SRGAP2C: variants seen among roughly 807,000 people sequenced by gnomAD.
The protein encoded by SRGAP2C is SLIT-ROBO Rho GTPase-activating protein 2C.
A neutral mutation model predicts 25.1 loss-of-function variants in SRGAP2C; 15 were observed. That is an observed-to-expected ratio of 0.60 (90% CI 0.40 to 0.92). SRGAP2C has a LOEUF of 0.92. Ranked by LOEUF, SRGAP2C falls within the 40% of genes least tolerant of loss-of-function variation. The pLI is 0.00. For synonymous variants in SRGAP2C, 44 were observed against 96.6 expected (o/e 0.46, Z 3.19); for missense variants, 144 against 264.4 (o/e 0.54, Z 3.16).
intron 4 of SRGAP2C, among the ~76,000 whole-genome samples, chr1:121,332,731 TAGGATTTC>T (rs1658458717): frequency 4.1e-5 from 3 of 73,088 alleles, no homozygotes; most frequent in African/African-American, 1.7e-4. Context: ...TGGACTGAGA[TAGGATTTC>T]CTATGGCGTG....
intron 2 of SRGAP2C, among the ~76,000 whole-genome samples, chr1:121,192,439 C>T (rs1331009807): frequency 6.6e-6 from 1 of 151,224 alleles, no homozygotes; most frequent in African/African-American, 2.4e-5. Context: ...GAAAATGAAA[C>T]TCTTGGAAAC....
intron 4 of SRGAP2C, among the ~76,000 whole-genome samples, chr1:121,336,393 TTC>T (rs1253981588): frequency 1.7e-5 from 2 of 118,420 alleles, no homozygotes; most frequent in East Asian, 6.1e-4. Context: ...TCAAAACCTT[TTC>T]TCTCTCTTTC....
chr1:121,224,721 A>G (rs1655623394), intron 2 of SRGAP2C, among the ~76,000 whole-genome samples: 1 of 149,044 alleles, frequency 6.7e-6, no homozygotes, highest in Non-Finnish European at 1.5e-5. Flanking sequence ...TCTTCTAGGT[A>G]GTGCCTGTTT....
chr1:121,358,594 GT>G lies in SRGAP2C; in HGVS notation c.424-6693del, dbSNP rs1659115400. Among the ~76,000 whole-genome samples, 4 of 112,324 alleles carry G rather than the reference GT, an allele frequency of 3.6e-5. No individual in the cohort carries two copies. The Admixed American group carries it at 4.0e-4, about 11-fold the overall frequency. The allele number at this position is 112,324 out of a possible 152,430, so 73.7% of individuals were successfully genotyped here. ...GAGTGAAGGAGCTTCTGGTGAAATT[GT>G]TTTTTATGGTGCTTACAAGCTCAAG... On this transcript the variant is annotated intron_variant, in intron 4 of 9. Coordinates refer to ENST00000367123, the MANE Select transcript of SRGAP2C (RefSeq NM_001329984.2).
chr1:121,231,708 A>C (rs1655825150), intron 2 of SRGAP2C, among the ~76,000 whole-genome samples: 1 of 147,514 alleles, frequency 6.8e-6, no homozygotes, highest in East Asian at 2.0e-4. Flanking sequence ...TAGAGAAAGT[A>C]AGTGAATTAC....
chr1:121,323,610 T>C (rs1335124675), intron 3 of SRGAP2C, among the ~76,000 whole-genome samples: 1 of 102,856 alleles, frequency 9.7e-6, no homozygotes, highest in African/African-American at 4.7e-5. Flanking sequence ...AGTGAGACTT[T>C]GTCTCAAAAA....
intron 3 of SRGAP2C, among the ~76,000 whole-genome samples, chr1:121,310,841 T>G (rs1657966150): frequency 1.2e-5 from 1 of 82,420 alleles, no homozygotes; most frequent in Admixed American, 1.3e-4. Flanking sequence ...TAGTATAGTT[T>G]GAAGTCAGGT....
intron 2 of SRGAP2C, among the ~76,000 whole-genome samples, chr1:121,268,554 G>T (rs1656863423): frequency 6.8e-6 from 1 of 146,070 alleles, no homozygotes; most frequent in Non-Finnish European, 1.5e-5. Flanking sequence ...ACAAAATGAG[G>T]CTGAGTTGCA....
intron 4 of SRGAP2C, among the ~76,000 whole-genome samples, chr1:121,348,603 T>C (rs1448882154): frequency 1.8e-4 from 27 of 150,772 alleles, no homozygotes; most frequent in African/African-American, 5.8e-4. Flanking sequence ...TATATGTCTT[T>C]CTTGCTGTGA....
chr1:121,278,156 A>G (rs1480048180), intron 2 of SRGAP2C, among the ~76,000 whole-genome samples: 1 of 151,894 alleles, frequency 6.6e-6, no homozygotes, highest in Non-Finnish European at 1.5e-5. Context: ...CATGTTGCCC[A>G]GGCTCGTCTG....
intron 2 of SRGAP2C, among the ~76,000 whole-genome samples, chr1:121,211,428 C>CAT (rs1655252700): frequency 7.8e-6 from 1 of 127,490 alleles, no homozygotes; most frequent in Non-Finnish European, 1.6e-5. Flanking sequence ...CACACACACA[C>CAT]ACACACACAC....
chr1:121,291,203 TA>T (rs1418863594), intron 3 of SRGAP2C, among the ~76,000 whole-genome samples: 8 of 125,128 alleles, frequency 6.4e-5, no homozygotes, highest in African/African-American at 1.5e-4. Context: ...ACTGACTGGA[TA>T]AAGCATAGAA....
chr1:121,353,014 C>T (rs1553346499), intron 4 of SRGAP2C, among the ~76,000 whole-genome samples: 14 of 150,736 alleles, frequency 9.3e-5, no homozygotes, highest in Admixed American at 6.0e-4. Context: ...GGCGTGAACC[C>T]GGGAGGCAGA....
At chr1:121,350,139 CAGGATGGGT>C (rs1327925942) in intron 4 of SRGAP2C, among the ~76,000 whole-genome samples, 4 of 151,758 alleles carry the variant, frequency 2.6e-5, no homozygotes, top group African/African-American at 9.7e-5. Flanking sequence ...CCCAGAGGCC[CAGGATGGGT>C]AGCCTTGGTA....
chr1:121,271,422 C>T (rs1179645548), intron 2 of SRGAP2C, among the ~76,000 whole-genome samples: 2 of 151,044 alleles, frequency 1.3e-5, no homozygotes, highest in East Asian at 3.9e-4. Flanking sequence ...CTAGTGCTCA[C>T]GTGAACTGTG....
intron 8 of SRGAP2C, among the ~76,000 whole-genome samples, chr1:121,383,300 G>A (rs1253044134): frequency 6.8e-6 from 1 of 147,606 alleles, no homozygotes; most frequent in Non-Finnish European, 1.5e-5. Context: ...TGAAAGGAAA[G>A]TGAGGGAGGG....
chr1:121,187,766 CT>C (rs1305197125), intron 2 of SRGAP2C, among the ~76,000 whole-genome samples: 2 of 152,064 alleles, frequency 1.3e-5, no homozygotes, highest in African/African-American at 4.8e-5. Context: ...TTTGGCAGCC[CT>C]TTCCCCCCAA....
intron 2 of SRGAP2C, among the ~76,000 whole-genome samples, chr1:121,275,678 T>C (rs1159163702): frequency 6.6e-6 from 1 of 151,388 alleles, no homozygotes; most frequent in Non-Finnish European, 1.5e-5. Flanking sequence ...TTTATGAGAT[T>C]GTCTTCTGTG....
chr1:121,196,892 ATTGTATC>A (rs1654841219), intron 2 of SRGAP2C, among the ~76,000 whole-genome samples: 1 of 148,464 alleles, frequency 6.7e-6, no homozygotes, highest in Non-Finnish European at 1.5e-5. Flanking sequence ...AAATAGTTTA[ATTGTATC>A]TTGACACTGT....
Sources: gnomAD v4.1 joint callset for allele counts (sites outside exome capture counted in the v4.1 genomes callset) on GRCh38, gnomAD v4.1.1 for gene constraint, MANE v1.5 for transcripts, NCBI Gene and HGNC (gene_info 2026-07-23, HGNC 2026-07-21) for gene names.